LRP11: variants seen among roughly 807,000 people sequenced by gnomAD.
LRP11 encodes low-density lipoprotein receptor-related protein 11.
Under a neutral mutation model 43.1 loss-of-function variants are expected in LRP11, and 25 were observed. The observed-to-expected ratio is 0.58, with a 90% confidence interval of 0.42 to 0.81. LRP11 has a LOEUF of 0.81. Among genes scored for constraint, LRP11 ranks in the 30% least tolerant of loss-of-function variants. The probability of loss-of-function intolerance (pLI) is 0.00; values close to 1 mark genes in which losing one functional copy is unlikely to be tolerated. For synonymous variants in LRP11, 316 were observed against 299.4 expected (o/e 1.06, Z -0.57); for missense variants, 623 against 665.1 (o/e 0.94, Z 0.70).
At chr6:149,844,382 C>T (rs1183807983) in intron 2 of LRP11, among the ~76,000 whole-genome samples, 1 of 152,184 alleles carries the variant, frequency 6.6e-6, no homozygotes, top group Non-Finnish European at 1.5e-5. Flanking sequence ...TCATTCATTG[C>T]AGAAGCCCTC....
rs899811018 is a variant in LRP11, at chr6:149,863,776, C to G, written c.245G>C (p.Gly82Ala). 4 of 1,479,718 alleles carry G rather than the reference C, an allele frequency of 2.7e-6. No homozygotes were observed. In the African/African-American group the frequency reaches 5.9e-5, roughly 22 times the overall value. The allele number at this position is 1,479,718 out of a possible 1,614,324, so 91.7% of individuals were successfully genotyped here. A position where few individuals can be genotyped will look rare whatever the true frequency, so the allele number is the denominator to read the frequency against. The change falls in exon 1 of 7, where the codon GGC becomes GCC. Residue 82 changes from glycine to alanine, a missense_variant. By Grantham distance (60) the Gly-to-Ala change is moderately conservative (BLOSUM62 0). Transcript: ENST00000239367. ...CGGGCAGTCCTCCTGGGGGCCGCCG[C>G]CCGCGCGCAGCTCCAGCTCCAGCTC... is the stretch of plus-strand genomic sequence containing the variant. ...QEELELELRA[G>A]GGPQEDCPGP...
chr6:149,862,724 C>T (rs543646466), intron 1 of LRP11, among the ~76,000 whole-genome samples: 1 of 151,956 alleles, frequency 6.6e-6, no homozygotes, highest in Non-Finnish European at 1.5e-5. Context: ...GGATTACAGG[C>T]GCATGCCACC....
chr6:149,864,285 C>T lies in LRP11; in HGVS notation c.-265G>A. Reference sequence around the variant, plus strand: ...GACTGCCCAGCGCCCTGCGCCTCTCCGCCCCGGCCTGCGGCGCGCTGGGTG... The same window carrying T: ...GACTGCCCAGCGCCCTGCGCCTCTCTGCCCCGGCCTGCGGCGCGCTGGGTG... On this transcript the variant is annotated 5_prime_UTR_variant, in exon 1 of 7. Transcript: ENST00000239367. 2.9e-6 allele frequency: 3 copies of T among 1,052,236 alleles called. No individual in the cohort carries two copies. Among genetic ancestry groups the T allele is most frequent in the Non-Finnish European group, 1.1e-6 (1 of 874,574 alleles). 65.2% of individuals were successfully genotyped at this position (1,052,236 alleles called of 1,614,324 possible).
In LRP11 at chr6:149,843,023, G is replaced by C. The variant is rs535543901; in HGVS notation, c.873C>G (p.Asn291Lys). 2 of 1,614,192 alleles carry C rather than the reference G, an allele frequency of 1.2e-6. No individual in the cohort carries two copies. Among genetic ancestry groups the C allele is most frequent in the Non-Finnish European group, 1.7e-6 (2 of 1,180,030 alleles). Residue 291 changes from asparagine to lysine, a missense_variant, in exon 3 of 7, where the codon AAC (asparagine) becomes AAG (lysine). Transcript: ENST00000239367. ...TDTAGQRSSDNVSVTVLRAAY... is the reference protein window; with the variant it reads ...TDTAGQRSSDKVSVTVLRAAY... Reference sequence around the variant, plus strand: ...CTGCGCGAAGCACTGTCACTGACACGTTGTCAGAGCTTCTCTGCCCGGCAG... The same window carrying C: ...CTGCGCGAAGCACTGTCACTGACACCTTGTCAGAGCTTCTCTGCCCGGCAG...
chr6:149,829,496 G>C, intron 5 of LRP11, among the ~76,000 whole-genome samples: 1 of 152,000 alleles, frequency 6.6e-6, no homozygotes, highest in East Asian at 1.9e-4. Context: ...GGGAGGTGGA[G>C]GTTGCAGTGA....
chr6:149,826,512 G>T (rs1300492261), intron 5 of LRP11, among the ~76,000 whole-genome samples, 153 bp from the exon 6 acceptor site: 1 of 152,002 alleles, frequency 6.6e-6, no homozygotes, highest in Non-Finnish European at 1.5e-5. Flanking sequence ...TGATAGTTAA[G>T]CAGTAAATAA....
chr6:149,835,249 G>A (rs1190999434), intron 5 of LRP11, among the ~76,000 whole-genome samples: 2 of 152,298 alleles, frequency 1.3e-5, no homozygotes, highest in East Asian at 3.9e-4. Flanking sequence ...GAGTAGCTGG[G>A]ATTATAGGTG....
intron 1 of LRP11, among the ~76,000 whole-genome samples, chr6:149,856,071 TA>T (rs1178854278): frequency 1.3e-5 from 2 of 152,238 alleles, no homozygotes; most frequent in Non-Finnish European, 2.9e-5. Flanking sequence ...AAGCATCTTA[TA>T]ACTCAGCAGT....
chr6:149,842,995 A>G lies in LRP11; in HGVS notation c.901T>C (p.Tyr301His), dbSNP rs1486392154. The part of the protein sequence containing the change: ...NVSVTVLRAA[Y>H]STGGCLHTCS... ...ACTTTCTTCTCACCTCCTGTGGAGT[A>G]GGCTGCGCGAAGCACTGTCACTGAC... Residue 301 changes from tyrosine to histidine, a missense_variant, in exon 3 of 7, where the codon TAC becomes CAC. Transcript: ENST00000239367. The G allele has an allele frequency of 6.2e-7, 1 of 1,614,230 alleles. No individual in the cohort carries two copies. Among genetic ancestry groups the G allele is most frequent in the Admixed American group, 1.7e-5 (1 of 60,036 alleles).
In LRP11 at chr6:149,846,560, A is replaced by C. The variant is rs74388002; in HGVS notation, c.772-3436T>G. Among the ~76,000 whole-genome samples, 653 of 152,258 alleles carry C rather than the reference A, an allele frequency of 4.3e-3. 3 individuals carry two copies. Among genetic ancestry groups the C allele is most frequent in the Admixed American group, 9.7e-3 (149 of 15,294 alleles). On this transcript the variant is annotated intron_variant, in intron 2 of 6. Transcript: ENST00000239367. ...GATTGATTCGGAGCAGAGATTTAGA[A>C]GGTTGGTGTGACGGGGATGCTGAGT... is the stretch of plus-strand genomic sequence containing the variant.
intron 1 of LRP11, among the ~76,000 whole-genome samples, chr6:149,857,744 C>T (rs1008020835): frequency 2.6e-5 from 4 of 152,204 alleles, no homozygotes; most frequent in Non-Finnish European, 5.9e-5. Flanking sequence ...GATAAACTGG[C>T]TCATCTGGTC....
At chr6:149,831,852 G>A (rs1776411999) in intron 5 of LRP11, among the ~76,000 whole-genome samples, 1 of 152,064 alleles carries the variant, frequency 6.6e-6, no homozygotes, top group Admixed American at 6.6e-5. Flanking sequence ...TTGTAGAGAT[G>A]GGGTTTTGCC....
intron 5 of LRP11, among the ~76,000 whole-genome samples, chr6:149,826,562 T>TA (rs1170426797): frequency 3.3e-5 from 5 of 151,286 alleles, no homozygotes; most frequent in Non-Finnish European, 5.9e-5. Context: ...ACGCAGCTAA[T>TA]ACGAAACCAC....
At position 149,823,119 on chromosome 6, in the gene LRP11, C is replaced by T. The variant is rs186293545; in HGVS notation, c.1349-2416G>A. Among the ~76,000 whole-genome samples the T allele has an allele frequency of 9.1e-4, 138 of 152,166 alleles. No homozygotes were observed. In the South Asian group the frequency reaches 0.011, roughly 12 times the overall value. ...CCAGTCAGAGAAATAGGAGGACAAC[C>T]GCTATAGTAGGGAGTGGGCTTTTGG... On this transcript the variant is annotated intron_variant, in intron 6 of 6. Transcript: ENST00000239367.
intron 1 of LRP11, among the ~76,000 whole-genome samples, chr6:149,862,734 C>G (rs1776938127): frequency 6.6e-6 from 1 of 152,062 alleles, no homozygotes; most frequent in Non-Finnish European, 1.5e-5. Context: ...CGCATGCCAC[C>G]AGCTCTGGCT....
intron 2 of LRP11, among the ~76,000 whole-genome samples, chr6:149,847,041 G>A (rs1320657785): frequency 6.6e-6 from 1 of 150,738 alleles, no homozygotes; most frequent in Non-Finnish European, 1.5e-5. Context: ...CTGAGGCCAG[G>A]GAGCTGGGTG....
intron 2 of LRP11, among the ~76,000 whole-genome samples, chr6:149,849,559 T>C (rs778673534): frequency 7.9e-5 from 12 of 151,934 alleles, no homozygotes; most frequent in Non-Finnish European, 1.0e-4. Flanking sequence ...GAGTTTGAGA[T>C]CAGCCTGGGC....
intron 5 of LRP11, among the ~76,000 whole-genome samples, chr6:149,829,581 T>TA (rs1266144261): frequency 6.7e-6 from 1 of 150,300 alleles, no homozygotes; most frequent in East Asian, 1.9e-4. Context: ...TAAAATAAAA[T>TA]AAAATAAAAA....
At chr6:149,829,572 A>T (rs970535229) in intron 5 of LRP11, among the ~76,000 whole-genome samples, 1 of 151,694 alleles carries the variant, frequency 6.6e-6, no homozygotes, top group Non-Finnish European at 1.5e-5. Flanking sequence ...AAAAATAAAT[A>T]AAATAAAATA....
Sources: allele counts gnomAD v4.1 joint callset (sites outside exome capture counted in the v4.1 genomes callset), GRCh38; gene constraint gnomAD v4.1.1; transcripts MANE v1.5; gene names NCBI Gene and HGNC (gene_info 2026-07-23, HGNC 2026-07-21).